The following CELF2 variants were observed in gnomAD, a reference collection of about 807,000 sequenced individuals.
CELF2 encodes the protein CUG triplet repeat RNA-binding protein 2.
CELF2 carries 8 observed loss-of-function variants against 62.6 expected under a neutral mutation model. The ratio of observed to expected loss-of-function variants is 0.13; its 90% CI spans 0.07 to 0.23. The LOEUF is 0.23. Among genes scored for constraint, CELF2 ranks in the 10% least tolerant of loss-of-function variants. The probability of loss-of-function intolerance (pLI) is 1.00; values close to 1 mark genes in which losing one functional copy is unlikely to be tolerated. For synonymous variants in CELF2, 258 were observed against 250.0 expected (o/e 1.03, Z -0.30); for missense variants, 333 against 671.0 (o/e 0.50, Z 5.56).
rs1027543062 is a variant in CELF2, at chr10:11,285,584, A to G, written c.842-2834A>G. ...TTTAGTGAATGTCAGTGGGTGAGAG[A>G]AGGACTAAACATGGGCCCTAGTAAG... is the stretch of plus-strand genomic sequence containing the variant. On this transcript the variant is annotated intron_variant, in intron 8 of 12. Transcript: ENST00000633077. This position sits in a 1 kb window ranked among gnomAD's most constrained non-coding sequence, Gnocchi z 4.3. 1.3e-5 allele frequency among the ~76,000 whole-genome samples: 2 copies of G among 152,180 alleles called. No homozygotes were observed. Among genetic ancestry groups the G allele is most frequent in the African/African-American group, 4.8e-5 (2 of 41,428 alleles).
At position 11,305,883 on chromosome 10, in the gene CELF2, C is replaced by T. The variant is rs2094164587; in HGVS notation, c.977-8256C>T. 6.6e-6 allele frequency among the ~76,000 whole-genome samples: 1 copy of T among 152,194 alleles called. No homozygotes were observed. The highest frequency in any genetic ancestry group is 2.1e-4 in the South Asian group (1 of 4,838). The stretch of plus-strand genomic sequence containing the variant: ...GTGGGCATATCCTCACCATCAGGGT[C>T]TCTGGACCACCTCGCTTTTCCTGTT... On this transcript the variant is annotated intron_variant, in intron 9 of 12. Transcript: ENST00000633077. This position sits in a 1 kb window ranked among gnomAD's most constrained non-coding sequence, Gnocchi z 4.8.
At chr10:11,320,166 A>G (rs1048995368) in intron 10 of CELF2, among the ~76,000 whole-genome samples, 2 of 152,196 alleles carry the variant, frequency 1.3e-5, no homozygotes, top group Non-Finnish European at 2.9e-5. Flanking sequence ...CTGAGTTGAT[A>G]TGAAAGTTAG....
chr10:10,720,301 C>T, the CELF2 span, among the ~76,000 whole-genome samples: 2 of 152,234 alleles, frequency 1.3e-5, no homozygotes, highest in South Asian at 4.1e-4. Flanking sequence ...CTGCTGTCGT[C>T]TTCAATAGCG....
chr10:11,056,013 A>G (rs554753607), intron 1 of CELF2, among the ~76,000 whole-genome samples: 2 of 152,374 alleles, frequency 1.3e-5, no homozygotes, highest in South Asian at 2.1e-4. Flanking sequence ...CAAGAAGTGC[A>G]TTTAGAAAGT....
At chr10:10,835,097 A>C (rs2058171214) in intron 1 of CELF2, among the ~76,000 whole-genome samples, 1 of 152,070 alleles carries the variant, frequency 6.6e-6, no homozygotes, top group African/African-American at 2.4e-5. Context: ...TAGCCTCCTC[A>C]CTAAGCTTTG....
At chr10:10,646,694 T>C in the CELF2 span, among the ~76,000 whole-genome samples, 2 of 152,352 alleles carry the variant, frequency 1.3e-5, no homozygotes, top group African/African-American at 2.4e-5. Flanking sequence ...CAAGCTGTGA[T>C]GAAATACTGA....
At chr10:10,772,916 G>A in the CELF2 span, among the ~76,000 whole-genome samples, 2 of 152,158 alleles carry the variant, frequency 1.3e-5, no homozygotes, top group Admixed American at 6.5e-5. Context: ...CTTAGCTCTA[G>A]GCCAGAGAAA....
rs981139044 is a variant in CELF2, at chr10:11,318,371, G to A, written c.1097-2818G>A. 9 of 202,788 alleles carry A rather than the reference G, an allele frequency of 4.4e-5. No individual in the cohort carries two copies. The South Asian group carries it at 4.8e-4, about 11-fold the overall frequency. The allele number at this position is 202,788 out of a possible 1,614,324, so 12.6% of individuals were successfully genotyped here. A position where few individuals can be genotyped will look rare whatever the true frequency, so the allele number is the denominator to read the frequency against. On this transcript the variant is annotated intron_variant, in intron 10 of 12. Transcript: ENST00000633077. The surrounding 1 kb of genome is among the most constrained non-coding windows in gnomAD (Gnocchi z 5.4). ...TGGCTGGAGAGGCCAAACCCTCCCC[G>A]TGTCCCCTGACTGGTCCCCCTTGAG...
Position 11,145,221 on chromosome 10 carries a change from T to G in CELF2, c.75-20265T>G, listed in dbSNP as rs78187531. ...GGCTAAAAATACAGAACAGAACAAATGTAAAACACTGCTGCTGCTCAAGGT... is the reference window on the plus strand; with the variant it reads ...GGCTAAAAATACAGAACAGAACAAAGGTAAAACACTGCTGCTGCTCAAGGT... On this transcript the variant is annotated intron_variant, in intron 1 of 12. Transcript: ENST00000633077. This position sits in a 1 kb window ranked among gnomAD's most constrained non-coding sequence, Gnocchi z 4.3. Among the ~76,000 whole-genome samples the G allele has an allele frequency of 1.8e-3, 279 of 152,300 alleles. 1 individual carries two copies. The highest frequency in any genetic ancestry group is 6.4e-3 in the African/African-American group (267 of 41,556).
Position 11,328,987 on chromosome 10 carries a change from T to G in CELF2, c.1500T>G (p.Phe500Leu). ...AQAAIQAMNG[F>L]QIGMKRLKVQ... ...CTGCTATCCAAGCTATGAATGGCTT[T>G]CAGATCGGCATGAAACGCTTGAAGG... Residue 500 changes from phenylalanine (F) to leucine (L), a missense_variant, in exon 13 of 13, where the codon TTT becomes TTG. Phe to Leu is a conservative substitution (Grantham distance 22). Transcript: ENST00000633077. The surrounding 1 kb of genome is among the most constrained non-coding windows in gnomAD (Gnocchi z 6.4). The G allele has an allele frequency of 6.2e-7, 1 of 1,613,878 alleles. No homozygotes were observed. Among genetic ancestry groups the G allele is most frequent in the Non-Finnish European group, 8.5e-7 (1 of 1,179,820 alleles).
chr10:10,776,491 A>C, the CELF2 span: 1 of 154,052 alleles, frequency 6.5e-6, no homozygotes, highest in African/African-American at 2.4e-5. Context: ...GGAAAAATTC[A>C]TTCATCCCCA....
At chr10:11,034,068 G>A (rs776187025) in intron 1 of CELF2, among the ~76,000 whole-genome samples, 8 of 152,120 alleles carry the variant, frequency 5.3e-5, no homozygotes, top group Non-Finnish European at 1.0e-4. Flanking sequence ...GGCTGTTCTA[G>A]GTGTTACAAA....
In CELF2 at chr10:11,237,272, G is replaced by C. The variant is rs913865331; in HGVS notation, c.355-11881G>C. 6.6e-6 allele frequency among the ~76,000 whole-genome samples: 1 copy of C among 152,230 alleles called. No homozygotes were observed. The highest frequency in any genetic ancestry group is 2.4e-5 in the African/African-American group (1 of 41,454). On this transcript the variant is annotated intron_variant, in intron 3 of 12. Coordinates refer to ENST00000633077, the MANE Select transcript of CELF2 (RefSeq NM_001326342.2). The surrounding 1 kb of genome is among the most constrained non-coding windows in gnomAD (Gnocchi z 4.0). The stretch of plus-strand genomic sequence containing the variant: ...ATTAAGCAAATTTAGAGCCACGCCA[G>C]AGTGTTAGGTGAGAGGTCTGAGAAG...
the CELF2 span, among the ~76,000 whole-genome samples, chr10:10,679,670 A>T: frequency 6.6e-6 from 1 of 152,216 alleles, no homozygotes; most frequent in Admixed American, 6.5e-5. Flanking sequence ...ATGAACTCTC[A>T]TATATCCATC....
rs550837110 is a variant in CELF2, at chr10:11,333,001, C to A, written c.*3948C>A. 1 of 152,690 alleles carries A rather than the reference C, an allele frequency of 6.5e-6. No homozygotes were observed. Among genetic ancestry groups the A allele is most frequent in the East Asian group, 1.9e-4 (1 of 5,188 alleles). 9.5% of individuals were successfully genotyped at this position (152,690 alleles called of 1,614,324 possible). On this transcript the variant is annotated 3_prime_UTR_variant, in exon 13 of 13. Coordinates refer to ENST00000633077, the MANE Select transcript of CELF2 (RefSeq NM_001326342.2). ...GAGCCCACCACTTGAATTTCTAAGACCATTTCATTCTGAAACTTCTTATCA... is the reference window on the plus strand; with the variant it reads ...GAGCCCACCACTTGAATTTCTAAGAACATTTCATTCTGAAACTTCTTATCA...
At chr10:10,491,370 T>C in the CELF2 span, among the ~76,000 whole-genome samples, 1 of 152,232 alleles carries the variant, frequency 6.6e-6, no homozygotes, top group Non-Finnish European at 1.5e-5. Context: ...TGAGGTTTCC[T>C]GCAGTATGTG....
the CELF2 span, among the ~76,000 whole-genome samples, chr10:10,763,271 A>T: frequency 6.6e-6 from 1 of 152,226 alleles, no homozygotes; most frequent in African/African-American, 2.4e-5. Flanking sequence ...GAGCAGTTCC[A>T]ACATTTGGCG....
At chr10:10,765,845 A>G in the CELF2 span, among the ~76,000 whole-genome samples, 1 of 152,046 alleles carries the variant, frequency 6.6e-6, no homozygotes, top group Non-Finnish European at 1.5e-5. Flanking sequence ...CCCATTTCTC[A>G]TCATCATCAT....
Position 11,165,261 on chromosome 10 carries a change from C to T in CELF2, c.75-225C>T. On this transcript the variant is annotated intron_variant, in intron 1 of 12. Coordinates refer to ENST00000633077, the MANE Select transcript of CELF2 (RefSeq NM_001326342.2). This position sits in a 1 kb window ranked among gnomAD's most constrained non-coding sequence, Gnocchi z 7.4. Reference sequence around the variant, plus strand: ...AGGGCGCTGCCCCGTGCTCCCCCGGCTCTGCTCGACAGCAGCACGCAGTGA... The same window carrying T: ...AGGGCGCTGCCCCGTGCTCCCCCGGTTCTGCTCGACAGCAGCACGCAGTGA... 2.2e-6 allele frequency: 3 copies of T among 1,376,582 alleles called. No homozygotes were observed. The highest frequency in any genetic ancestry group is 2.8e-6 in the Non-Finnish European group (3 of 1,064,702). The allele number at this position is 1,376,582 out of a possible 1,614,324, so 85.3% of individuals were successfully genotyped here.
Sources: allele counts gnomAD v4.1 joint callset (sites outside exome capture counted in the v4.1 genomes callset), GRCh38; gene constraint gnomAD v4.1.1; non-coding constraint Gnocchi (gnomAD v3.1); transcripts MANE v1.5; gene names NCBI Gene and HGNC (gene_info 2026-07-23, HGNC 2026-07-21).